Variants in TMEM132D observed in about 807,000 individuals in gnomAD.
TMEM132D encodes mature OL transmembrane protein.
Under a neutral mutation model 62.3 loss-of-function variants are expected in TMEM132D, and 21 were observed. The ratio of observed to expected loss-of-function variants is 0.34; its 90% confidence interval spans 0.24 to 0.49. The LOEUF (loss-of-function observed/expected upper bound fraction) is 0.49. TMEM132D is among the 20% of genes least tolerant of loss of function. TMEM132D has a pLI of 0.99. For missense variants in TMEM132D, 1,346 were observed against 1,402.8 expected (o/e 0.96, Z 0.65); for synonymous variants, 621 against 575.6 (o/e 1.08, Z -1.13).
intron 2 of TMEM132D, among the ~76,000 whole-genome samples, chr12:129,584,006 AT>A (rs1394343560): frequency 2.0e-5 from 3 of 152,148 alleles, no homozygotes; most frequent in Non-Finnish European, 4.4e-5. Flanking sequence ...GAAACAGTTA[AT>A]TTTTTTATTA....
At chr12:129,150,261 G>C (rs1850289700) in intron 5 of TMEM132D, among the ~76,000 whole-genome samples, 1 of 152,166 alleles carries the variant, frequency 6.6e-6, no homozygotes, top group African/African-American at 2.4e-5. Context: ...TGGAGGAGAA[G>C]TCACTCCAGC....
At chr12:129,285,100 T>A (rs541276224) in intron 4 of TMEM132D, among the ~76,000 whole-genome samples, 1 of 152,114 alleles carries the variant, frequency 6.6e-6, no homozygotes, top group Admixed American at 6.5e-5. Flanking sequence ...GCAATGGAGG[T>A]TTTTTCCTAT....
chr12:129,222,197 A>G (rs1879366409), intron 4 of TMEM132D, among the ~76,000 whole-genome samples: 1 of 152,198 alleles, frequency 6.6e-6, no homozygotes, highest in South Asian at 2.1e-4. Flanking sequence ...GAGGCTGGGC[A>G]TGTGGTCATG....
intron 2 of TMEM132D, among the ~76,000 whole-genome samples, chr12:129,612,858 T>C (rs79565093): frequency 0.071 from 10,736 of 152,254 alleles, 506 homozygotes; most frequent in Non-Finnish European, 0.1. Flanking sequence ...AGAGCGAGAC[T>C]CCGTCTCCAA....
chr12:129,377,124 T>G lies in TMEM132D; in HGVS notation c.1116-39307A>C, dbSNP rs111990786. Among the ~76,000 whole-genome samples the G allele has an allele frequency of 5.9e-3, 897 of 152,272 alleles. 13 individuals carry two copies. The highest frequency in any genetic ancestry group is 0.02 in the African/African-American group (848 of 41,550). ...CTTTTTAACAAGTCCTGACCTAATG[T>G]GACTGGTGACCTTAAAAGAAGAGGA... On this transcript the variant is annotated intron_variant, in intron 3 of 8. Coordinates refer to ENST00000422113, the MANE Select transcript of TMEM132D (RefSeq NM_133448.3).
chr12:129,426,944 T>C (rs539973490), intron 3 of TMEM132D, among the ~76,000 whole-genome samples: 48 of 152,342 alleles, frequency 3.2e-4, no homozygotes, highest in African/African-American at 9.9e-4. Flanking sequence ...AGCTTAGAGA[T>C]ACACAGCTAG....
chr12:129,233,929 A>T (rs1455249771), intron 4 of TMEM132D, among the ~76,000 whole-genome samples: 1 of 152,216 alleles, frequency 6.6e-6, no homozygotes, highest in Non-Finnish European at 1.5e-5. Context: ...TTTGGAAAGG[A>T]TGTTCTAAGC....
chr12:129,276,754 C>T (rs900100534), intron 4 of TMEM132D, among the ~76,000 whole-genome samples: 5 of 152,204 alleles, frequency 3.3e-5, no homozygotes, highest in African/African-American at 7.2e-5. Context: ...CTTGCCTCCT[C>T]GTTTCCTGCA....
intron 1 of TMEM132D, among the ~76,000 whole-genome samples, chr12:129,720,148 T>G (rs1300577208): frequency 3.3e-5 from 5 of 152,174 alleles, no homozygotes; most frequent in African/African-American, 4.8e-5. Context: ...CACGCAGGAA[T>G]GGTGTCTTTC....
At chr12:129,260,532 A>G (rs1880523852) in intron 4 of TMEM132D, among the ~76,000 whole-genome samples, 1 of 152,178 alleles carries the variant, frequency 6.6e-6, no homozygotes, top group Admixed American at 6.5e-5. Context: ...TTTAATTTCA[A>G]CAGTTTTTTA....
chr12:129,778,352 G>T (rs960424252), intron 1 of TMEM132D, among the ~76,000 whole-genome samples: 1 of 151,918 alleles, frequency 6.6e-6, no homozygotes, highest in African/African-American at 2.4e-5. Context: ...ACAACCCAGG[G>T]TATACTTTTA....
chr12:129,351,800 T>G (rs1278927957), intron 3 of TMEM132D, among the ~76,000 whole-genome samples: 1 of 152,216 alleles, frequency 6.6e-6, no homozygotes, highest in Non-Finnish European at 1.5e-5. Context: ...TTTCTTAAAT[T>G]GGAAACTTGT....
chr12:129,255,674 T>C (rs1234048120), intron 4 of TMEM132D, among the ~76,000 whole-genome samples: 1 of 152,194 alleles, frequency 6.6e-6, no homozygotes, highest in African/African-American at 2.4e-5. Flanking sequence ...CACCTGTCCC[T>C]CACTCCACCC....
chr12:129,866,998 G>A (rs1247686921), intron 1 of TMEM132D, among the ~76,000 whole-genome samples: 5 of 151,888 alleles, frequency 3.3e-5, no homozygotes, highest in East Asian at 3.9e-4. Context: ...CTGTAATCCC[G>A]GCACCTTGCG....
chr12:129,710,318 C>T (rs952831067), intron 1 of TMEM132D, among the ~76,000 whole-genome samples: 2 of 151,466 alleles, frequency 1.3e-5, no homozygotes, highest in African/African-American at 4.9e-5. Flanking sequence ...ATTTTTGAGA[C>T]AGAGTCTCAC....
chr12:129,441,388 G>C (rs1464524446), intron 3 of TMEM132D, among the ~76,000 whole-genome samples: 1 of 152,142 alleles, frequency 6.6e-6, no homozygotes, highest in Non-Finnish European at 1.5e-5. Context: ...AACTGTTAAG[G>C]CCACTTGTGA....
intron 3 of TMEM132D, 123 bp from the exon 4 acceptor site, chr12:129,337,940 T>C: frequency 1.0e-6 from 1 of 1,000,798 alleles, no homozygotes; most frequent in Non-Finnish European, 1.4e-6. Flanking sequence ...AGCGCACACA[T>C]CTCTGCAAAG....
intron 5 of TMEM132D, among the ~76,000 whole-genome samples, chr12:129,130,708 G>T (rs1876350954): frequency 6.6e-6 from 1 of 152,170 alleles, no homozygotes; most frequent in Non-Finnish European, 1.5e-5. Flanking sequence ...TGAGAGGAGA[G>T]ACAGGGTGGT....
At position 129,787,975 on chromosome 12, in the gene TMEM132D, C is replaced by T. The variant is rs148025378; in HGVS notation, c.80-87277G>A. Among the ~76,000 whole-genome samples the T allele has an allele frequency of 4.3e-4, 66 of 152,306 alleles. 1 individual carries two copies. In the East Asian group the frequency reaches 0.012, roughly 27 times the overall value. On this transcript the variant is annotated intron_variant, in intron 1 of 8. Transcript: ENST00000422113. ...GGCAGGACTCTGAAAACAGAAGAGA[C>T]GGTTAAACCTCCACACTCAACCAAC...
Sources: gnomAD v4.1 joint callset for allele counts (sites outside exome capture counted in the v4.1 genomes callset) on GRCh38, gnomAD v4.1.1 for gene constraint, MANE v1.5 for transcripts, NCBI Gene and HGNC (gene_info 2026-07-23, HGNC 2026-07-21) for gene names.